Variants in ATF7IP observed in about 807,000 individuals in gnomAD.
ATF7IP encodes activating transcription factor 7 interacting protein.
ATF7IP carries 23 observed loss-of-function variants against 106.4 expected under a neutral mutation model. The ratio of observed to expected loss-of-function variants is 0.22; its 90% CI spans 0.16 to 0.31. ATF7IP has a LOEUF of 0.31. ATF7IP is among the 10% of genes least tolerant of loss of function. The pLI, the probability that ATF7IP is intolerant of heterozygous loss-of-function variation, is 1.00. For synonymous variants in ATF7IP, 542 were observed against 539.0 expected (o/e 1.01, Z -0.08); for missense variants, 1,334 against 1,524.3 (o/e 0.88, Z 2.08).
intron 10 of ATF7IP, 69 bp from the exon 11 acceptor site, chr12:14,475,821 T>C (rs1373740458): frequency 1.0e-5 from 13 of 1,275,490 alleles, no homozygotes; most frequent in Middle Eastern, 2.0e-4. Flanking sequence ...ACCTCACTTA[T>C]CATCTCATTT....
chr12:14,387,484 C>T (rs1318318364), intron 1 of ATF7IP, among the ~76,000 whole-genome samples: 1 of 152,084 alleles, frequency 6.6e-6, no homozygotes, highest in African/African-American at 2.4e-5. Context: ...GCAGTTTATG[C>T]TGGTCTTGAG....
intron 10 of ATF7IP, among the ~76,000 whole-genome samples, chr12:14,473,554 TAAAG>T (rs1944141444): frequency 6.6e-6 from 1 of 152,134 alleles, no homozygotes; most frequent in African/African-American, 2.4e-5. Flanking sequence ...TATAGAATTT[TAAAG>T]AAATTAAGAA....
intron 6 of ATF7IP, among the ~76,000 whole-genome samples, chr12:14,452,629 A>G (rs907638589): frequency 2.0e-5 from 3 of 152,120 alleles, no homozygotes; most frequent in Non-Finnish European, 2.9e-5. Flanking sequence ...CTGCCTCACT[A>G]TGACTTGATG....
At chr12:14,430,989 A>G (rs889760727) in intron 2 of ATF7IP, among the ~76,000 whole-genome samples, 1 of 152,230 alleles carries the variant, frequency 6.6e-6, no homozygotes, top group African/African-American at 2.4e-5. Context: ...CCAATCTCTT[A>G]TCTAAGGCAA....
intron 1 of ATF7IP, among the ~76,000 whole-genome samples, chr12:14,401,955 G>A (rs763609564): frequency 9.9e-5 from 15 of 151,258 alleles, no homozygotes; most frequent in East Asian, 2.0e-4. Flanking sequence ...CTCGTGATGC[G>A]CTTGCCTCGG....
chr12:14,368,606 TAAA>T (rs1234444405), intron 1 of ATF7IP, among the ~76,000 whole-genome samples: 1 of 152,208 alleles, frequency 6.6e-6, no homozygotes, highest in Non-Finnish European at 1.5e-5. Flanking sequence ...GCAAAATTGA[TAAA>T]AACTTTTTTT....
At position 14,501,416 on chromosome 12, in the gene ATF7IP, A is replaced by C. The variant is rs756571749; in HGVS notation, c.*3343A>C. On this transcript the variant is annotated 3_prime_UTR_variant, in exon 15 of 15. Transcript: ENST00000261168. ...CTATACTTTGCATTCTGTGAGAGTAATTTTCACTCTGTCTTAAGTGTGAGT... is the reference window on the plus strand; with the variant it reads ...CTATACTTTGCATTCTGTGAGAGTACTTTTCACTCTGTCTTAAGTGTGAGT... The C allele has an allele frequency of 6.6e-6, 1 of 152,128 alleles. No homozygotes were observed. Among genetic ancestry groups the C allele is most frequent in the Non-Finnish European group, 1.5e-5 (1 of 68,018 alleles). 9.4% of individuals were successfully genotyped at this position (152,128 alleles called of 1,614,324 possible).
At chr12:14,487,922 C>T (rs577507624) in intron 13 of ATF7IP, among the ~76,000 whole-genome samples, 2 of 152,270 alleles carry the variant, frequency 1.3e-5, no homozygotes, top group African/African-American at 4.8e-5. Flanking sequence ...AAACTCCTTG[C>T]TTCTCACAAG....
chr12:14,445,939 GT>G (rs1942935441), intron 5 of ATF7IP, among the ~76,000 whole-genome samples: 1 of 152,164 alleles, frequency 6.6e-6, no homozygotes, highest in Admixed American at 6.5e-5. Flanking sequence ...TCTATGCTTA[GT>G]AAAAGACTGA....
intron 1 of ATF7IP, among the ~76,000 whole-genome samples, chr12:14,379,818 G>A (rs964805799): frequency 1.3e-5 from 2 of 152,134 alleles, no homozygotes; most frequent in African/African-American, 4.8e-5. Flanking sequence ...CCTCTCAGTG[G>A]AAGCTTGTAG....
intron 2 of ATF7IP, among the ~76,000 whole-genome samples, 163 bp from the exon 3 acceptor site, chr12:14,434,174 G>C (rs1290847703): frequency 1.3e-5 from 2 of 152,084 alleles, no homozygotes; most frequent in Non-Finnish European, 2.9e-5. Context: ...TCATTCATTC[G>C]ATCAGTTCCT....
Position 14,446,972 on chromosome 12 carries a change from T to TC in ATF7IP, c.1930-16_1930-15insC, listed in dbSNP as rs1273724973. 1 of 1,356,816 alleles carries TC rather than the reference T, an allele frequency of 7.4e-7. No homozygotes were observed. The highest frequency in any genetic ancestry group is 9.9e-7 in the Non-Finnish European group (1 of 1,012,124). 84.0% of individuals were successfully genotyped at this position (1,356,816 alleles called of 1,614,324 possible). On this transcript the variant is annotated splice_polypyrimidine_tract_variant and intron_variant, in intron 5 of 14. Coordinates refer to ENST00000261168, the MANE Select transcript of ATF7IP (RefSeq NM_018179.5). ...ATTTGATTTCCATTCATTTTTGTCT[T>TC]TTTTTTTTTTTTCAGGCCAAGATAG... is the stretch of plus-strand genomic sequence containing the variant.
chr12:14,416,635 AACCCT>A (rs1219914281), intron 1 of ATF7IP, among the ~76,000 whole-genome samples: 1 of 152,204 alleles, frequency 6.6e-6, no homozygotes, highest in African/African-American at 2.4e-5. Flanking sequence ...TAATCAAAGA[AACCCT>A]ACCATGACCT....
At chr12:14,469,262 A>T (rs1042125706) in intron 10 of ATF7IP, among the ~76,000 whole-genome samples, 1 of 150,896 alleles carries the variant, frequency 6.6e-6, no homozygotes, top group African/African-American at 2.4e-5. Flanking sequence ...TGGGAGGCTG[A>T]GGCAGGAGGA....
At chr12:14,479,490 A>C in intron 12 of ATF7IP, among the ~76,000 whole-genome samples, 1 of 152,184 alleles carries the variant, frequency 6.6e-6, no homozygotes, top group African/African-American at 2.4e-5. Flanking sequence ...TCTTCTCATT[A>C]AGGAAAACAT....
chr12:14,368,858 A>G (rs565202983), intron 1 of ATF7IP, among the ~76,000 whole-genome samples: 2 of 151,924 alleles, frequency 1.3e-5, no homozygotes, highest in Admixed American at 6.6e-5. Flanking sequence ...TTAGCTTTTA[A>G]TATTTGTCAC....
chr12:14,446,294 C>T (rs571226317), intron 5 of ATF7IP, among the ~76,000 whole-genome samples: 8 of 152,078 alleles, frequency 5.3e-5, no homozygotes, highest in East Asian at 1.9e-4. Flanking sequence ...ATTACAGGCA[C>T]GTGCCACCAC....
intron 13 of ATF7IP, among the ~76,000 whole-genome samples, chr12:14,485,339 G>T (rs1169289631): frequency 6.6e-6 from 1 of 151,758 alleles, no homozygotes; most frequent in Non-Finnish European, 1.5e-5. Flanking sequence ...GTTGTAGGAA[G>T]GGCCAGATGC....
At chr12:14,412,748 T>C (rs1940991543) in intron 1 of ATF7IP, among the ~76,000 whole-genome samples, 1 of 152,160 alleles carries the variant, frequency 6.6e-6, no homozygotes, top group Non-Finnish European at 1.5e-5. Context: ...GTGTGGTGGC[T>C]CATGCCTGTA....
Sources: allele counts gnomAD v4.1 joint callset (sites outside exome capture counted in the v4.1 genomes callset), GRCh38; gene constraint gnomAD v4.1.1; transcripts MANE v1.5; gene names NCBI Gene and HGNC (gene_info 2026-07-23, HGNC 2026-07-21).